Variants in PPARA observed in about 807,000 individuals in gnomAD.
The protein encoded by PPARA is peroxisome proliferator activated receptor alpha.
A neutral mutation model predicts 42.2 loss-of-function variants in PPARA; 22 were observed. That is an observed-to-expected ratio of 0.52 (90% confidence interval 0.37 to 0.74). PPARA has a LOEUF of 0.74. PPARA is among the 30% of genes least tolerant of loss of function. The pLI, the probability that PPARA is intolerant of heterozygous loss-of-function variation, is 0.00. For synonymous variants in PPARA, 242 were observed against 239.3 expected (o/e 1.01, Z -0.10); for missense variants, 465 against 608.2 (o/e 0.76, Z 2.48).
chr22:46,169,719 A>T lies in PPARA; in HGVS notation c.-126-7034A>T, dbSNP rs115265662. On this transcript the variant is annotated intron_variant, in intron 2 of 8. Coordinates refer to ENST00000407236, the MANE Select transcript of PPARA (RefSeq NM_005036.6). ...AATAAATCTGAAAAAGATATATAAG[A>T]TCTCTACTCAGAAAACTGATTATGT... Among the ~76,000 whole-genome samples the T allele has an allele frequency of 3.4e-3, 522 of 152,174 alleles. 5 individuals carry two copies. The highest frequency in any genetic ancestry group is 0.012 in the African/African-American group (508 of 41,570).
Position 46,215,268 on chromosome 22 carries a change from T to C in PPARA, c.304T>C (p.Cys102Arg). The change falls in exon 5 of 9, where the codon TGT becomes CGT. Residue 102 changes from cysteine (C) to arginine (R), a missense_variant. By Grantham distance (180) the Cys-to-Arg change is radical. Around this residue, in one of 2 missense-constraint regions of PPARA, gnomAD observed 152 missense variants for 139.1 expected, o/e 1.09. Coordinates refer to ENST00000407236, the MANE Select transcript of PPARA (RefSeq NM_005036.6). ...ESPSGALNIE[C>R]RICGDKASGY... ...TCCCAGTGGAGCATTGAACATCGAATGTAGAATCTGCGGGGACAAGGCCTC... is the reference window on the plus strand; with the variant it reads ...TCCCAGTGGAGCATTGAACATCGAACGTAGAATCTGCGGGGACAAGGCCTC... The C allele has an allele frequency of 1.2e-6, 2 of 1,614,098 alleles. No individual in the cohort carries two copies. The highest frequency in any genetic ancestry group is 2.2e-5 in the East Asian group (1 of 44,872).
intron 3 of PPARA, among the ~76,000 whole-genome samples, chr22:46,181,510 G>C (rs1295767762): frequency 6.6e-6 from 1 of 152,150 alleles, no homozygotes; most frequent in African/African-American, 2.4e-5. Context: ...GGGAGGAAAA[G>C]CATCGAAACC....
At chr22:46,220,340 G>C (rs1181500056) in intron 7 of PPARA, 1 of 367,256 alleles carries the variant, frequency 2.7e-6, no homozygotes, top group Non-Finnish European at 5.2e-6. Context: ...ATAGAGATAG[G>C]TTCTTGCTCT....
At position 46,232,981 on chromosome 22, in the gene PPARA, CAA is replaced by C. The variant is rs71192405; in HGVS notation, c.1159+761_1159+762del. ...TGGGCGACGAAGAATGACCCTGTCT[CAA>C]AAAAAAAAAAAAAAAAAATTATACA... On this transcript the variant is annotated intron_variant, in intron 8 of 8. Coordinates refer to ENST00000407236, the MANE Select transcript of PPARA (RefSeq NM_005036.6). The surrounding 1 kb of genome is among the most constrained non-coding windows in gnomAD (Gnocchi z 5.3). 0.039 allele frequency among the ~76,000 whole-genome samples: 3,650 copies of C among 93,548 alleles called. 86 individuals carry two copies. The highest frequency in any genetic ancestry group is 0.088 in the African/African-American group (2,462 of 28,086). The allele number at this position is 93,548 out of a possible 152,430, so 61.4% of individuals were successfully genotyped here.
chr22:46,220,249 G>C (rs910084721), intron 7 of PPARA: 1 of 573,076 alleles, frequency 1.7e-6, no homozygotes, highest in Admixed American at 2.9e-5. Flanking sequence ...TATTATACTG[G>C]CTATGTAATT....
At chr22:46,198,013 C>T (rs568021250) in intron 3 of PPARA, among the ~76,000 whole-genome samples, 37 of 151,464 alleles carry the variant, frequency 2.4e-4, no homozygotes, top group African/African-American at 8.2e-4. Context: ...GAGCGGAATA[C>T]GAGCTCAGGA....
rs936547987 is a variant in PPARA, at chr22:46,172,353, G to T, written c.-126-4400G>T. 1.8e-4 allele frequency among the ~76,000 whole-genome samples: 27 copies of T among 151,218 alleles called. 1 individual carries two copies. Among genetic ancestry groups the T allele is most frequent in the Middle Eastern group, 3.4e-3 (1 of 292 alleles). On this transcript the variant is annotated intron_variant, in intron 2 of 8. Transcript: ENST00000407236. ...AAAAAAAAAAAAACAGCATTGGGCC[G>T]GGCAGTGGCTCACGCCTGTAATCCC... is the stretch of plus-strand genomic sequence containing the variant.
chr22:46,208,392 A>G (rs1014082700), intron 4 of PPARA, among the ~76,000 whole-genome samples: 3 of 152,068 alleles, frequency 2.0e-5, no homozygotes, highest in African/African-American at 7.2e-5. Flanking sequence ...TACTAAAAAC[A>G]CAAAAATCAG....
chr22:46,211,221 C>A lies in PPARA; in HGVS notation c.209-3952C>A, dbSNP rs2147506207. ...GTATGAAGCCAAACATGAGTGTGTG[C>A]TGATGTCTCCAGCCCTCATCTGTTA... On this transcript the variant is annotated intron_variant, in intron 4 of 8. Coordinates refer to ENST00000407236, the MANE Select transcript of PPARA (RefSeq NM_005036.6). This position sits in a 1 kb window ranked among gnomAD's most constrained non-coding sequence, Gnocchi z 4.1. Among the ~76,000 whole-genome samples, 1 of 152,338 alleles carries A rather than the reference C, an allele frequency of 6.6e-6. No homozygotes were observed. Among genetic ancestry groups the A allele is most frequent in the Non-Finnish European group, 1.5e-5 (1 of 68,028 alleles).
rs1935528927 is a variant in PPARA at position 46,227,218 on chromosome 22, A to G, written c.712-4574A>G. 6.6e-6 allele frequency among the ~76,000 whole-genome samples: 1 copy of G among 151,728 alleles called. No homozygotes were observed. The highest frequency in any genetic ancestry group is 6.6e-5 in the Admixed American group (1 of 15,226). Reference sequence around the variant, plus strand: ...AGAGCTTATTAAATAATTTCATCCAAAGCAGTTCTACCAGTGCTTCACATT... The same window carrying G: ...AGAGCTTATTAAATAATTTCATCCAGAGCAGTTCTACCAGTGCTTCACATT... On this transcript the variant is annotated intron_variant, in intron 7 of 8. Coordinates refer to ENST00000407236, the MANE Select transcript of PPARA (RefSeq NM_005036.6). The surrounding 1 kb of genome is among the most constrained non-coding windows in gnomAD (Gnocchi z 4.3).
Position 46,225,552 on chromosome 22 carries a change from CACAT to C in PPARA, c.711+5542_711+5545del, listed in dbSNP as rs1935350585. 6.6e-6 allele frequency among the ~76,000 whole-genome samples: 1 copy of C among 152,036 alleles called. No homozygotes were observed. The highest frequency in any genetic ancestry group is 2.4e-5 in the African/African-American group (1 of 41,370). ...ACATCCGTGCACACACGGGTACACA[CACAT>C]ACACGTGCACCCACATGCATGCTCA... On this transcript the variant is annotated intron_variant, in intron 7 of 8. Transcript: ENST00000407236. This position sits in a 1 kb window ranked among gnomAD's most constrained non-coding sequence, Gnocchi z 4.1.
intron 6 of PPARA, among the ~76,000 whole-genome samples, chr22:46,218,638 A>G (rs1934715387): frequency 6.6e-6 from 1 of 151,688 alleles, no homozygotes; most frequent in Admixed American, 6.6e-5. Flanking sequence ...GTTTGAGACC[A>G]GCCTGGCCAA....
chr22:46,203,327 T>C lies in PPARA; in HGVS notation c.208+4736T>C, dbSNP rs1932943026. 1.3e-5 allele frequency among the ~76,000 whole-genome samples: 2 copies of C among 152,216 alleles called. No individual in the cohort carries two copies. The highest frequency in any genetic ancestry group is 4.1e-4 in the South Asian group (2 of 4,830). ...GAGCCGGATATTAAATGCAGTACTT[T>C]AAACTTTACACCCAGGAGACCGGAT... On this transcript the variant is annotated intron_variant, in intron 4 of 8. Transcript: ENST00000407236. This position sits in a 1 kb window ranked among gnomAD's most constrained non-coding sequence, Gnocchi z 5.8.
In PPARA at chr22:46,182,618, G is replaced by C. The variant is rs1930121134; in HGVS notation, c.-43+5782G>C. 6.6e-6 allele frequency among the ~76,000 whole-genome samples: 1 copy of C among 152,198 alleles called. No homozygotes were observed. Among genetic ancestry groups the C allele is most frequent in the Non-Finnish European group, 1.5e-5 (1 of 68,034 alleles). On this transcript the variant is annotated intron_variant, in intron 3 of 8. Transcript: ENST00000407236. This position sits in a 1 kb window ranked among gnomAD's most constrained non-coding sequence, Gnocchi z 5.2. ...TTTGAGGATGATGGGTCTGCGTACTGTCTCGGCTATGATAGTGGTTTCACA... is the reference window on the plus strand; with the variant it reads ...TTTGAGGATGATGGGTCTGCGTACTCTCTCGGCTATGATAGTGGTTTCACA...
At chr22:46,194,723 C>T (rs1932000576) in intron 3 of PPARA, among the ~76,000 whole-genome samples, 1 of 151,626 alleles carries the variant, frequency 6.6e-6, no homozygotes, top group South Asian at 2.1e-4. Flanking sequence ...AGGCACCTGC[C>T]ACCAAGCCCA....
At position 46,198,478 on chromosome 22, in the gene PPARA, G is replaced by C; in HGVS notation, c.95G>C (p.Gly32Ala). 6.2e-7 allele frequency: 1 copy of C among 1,613,832 alleles called. No homozygotes were observed. Among genetic ancestry groups the C allele is most frequent in the East Asian group, 2.2e-5 (1 of 44,876 alleles). ...PLSEEFLQEMGNIQEISQSIG... is the reference protein window; with the variant it reads ...PLSEEFLQEMANIQEISQSIG... ...TCTGAAGAGTTCCTGCAAGAAATGGGAAACATCCAAGAGATTTCGCAATCC... is the reference window on the plus strand; with the variant it reads ...TCTGAAGAGTTCCTGCAAGAAATGGCAAACATCCAAGAGATTTCGCAATCC... Residue 32 changes from glycine to alanine, a missense_variant, in exon 4 of 9, where the codon GGA (glycine) becomes GCA (alanine). Transcript: ENST00000407236.
chr22:46,153,641 A>G (rs1924820139), intron 2 of PPARA, among the ~76,000 whole-genome samples: 1 of 151,916 alleles, frequency 6.6e-6, no homozygotes, highest in Non-Finnish European at 1.5e-5. Flanking sequence ...TGGGCAGATG[A>G]CAAGATCAGG....
chr22:46,207,934 C>T (rs2147479124), intron 4 of PPARA, among the ~76,000 whole-genome samples: 1 of 151,924 alleles, frequency 6.6e-6, no homozygotes, highest in South Asian at 2.1e-4. Flanking sequence ...ATCCTCCTAC[C>T]TCTGCCTCCC....
At chr22:46,185,951 A>G (rs1930716817) in intron 3 of PPARA, among the ~76,000 whole-genome samples, 3 of 65,526 alleles carry the variant, frequency 4.6e-5, no homozygotes, top group Non-Finnish European at 6.7e-5. Context: ...ATATATATAT[A>G]TATATATATA....
Sources: gnomAD v4.1 joint callset for allele counts (sites outside exome capture counted in the v4.1 genomes callset) on GRCh38, gnomAD v4.1.1 for gene constraint, gnomAD v4.1.1 regional missense constraint, Gnocchi (gnomAD v3.1) non-coding constraint, MANE v1.5 for transcripts, NCBI Gene and HGNC (gene_info 2026-07-23, HGNC 2026-07-21) for gene names.